CCDC178: variants seen among roughly 807,000 people sequenced by gnomAD.
CCDC178 encodes coiled-coil domain-containing protein 178.
A neutral mutation model predicts 117.4 loss-of-function variants in CCDC178; 126 were observed. That is an observed-to-expected ratio of 1.07 (90% confidence interval 0.93 to 1.24). CCDC178 has a LOEUF of 1.24. CCDC178 is among the 50% of genes most tolerant of loss of function. The pLI is 0.00. For missense variants in CCDC178, 1,030 were observed against 986.9 expected, an observed-to-expected ratio of 1.04 and a Z score of -0.59; for synonymous variants, 283 against 313.4, an observed-to-expected ratio of 0.90 and a Z score of 1.02.
At chr18:33,404,440 AC>A (rs1350412912) in intron 3 of CCDC178, among the ~76,000 whole-genome samples, 1 of 152,082 alleles carries the variant, frequency 6.6e-6, no homozygotes, top group Non-Finnish European at 1.5e-5. Flanking sequence ...TAAAGTAAAA[AC>A]AAACCAAGAA....
intron 21 of CCDC178, among the ~76,000 whole-genome samples, chr18:32,996,867 A>G (rs1451848396): frequency 6.6e-6 from 1 of 152,176 alleles, no homozygotes; most frequent in African/African-American, 2.4e-5. Context: ...CATATAAATC[A>G]ATAAGAAAAA....
intron 21 of CCDC178, among the ~76,000 whole-genome samples, chr18:32,998,518 A>C (rs2055564874): frequency 1.3e-5 from 2 of 152,124 alleles, no homozygotes; most frequent in African/African-American, 2.4e-5. Flanking sequence ...GAGTGTTTAC[A>C]CCACCCTTCC....
chr18:33,241,456 G>C (rs1054259148), intron 15 of CCDC178, among the ~76,000 whole-genome samples: 4 of 151,052 alleles, frequency 2.6e-5, no homozygotes, highest in Non-Finnish European at 5.9e-5. Context: ...GTGTGTGTGT[G>C]TGTGTGTGTG....
At chr18:33,086,969 GACACACACAC>G (rs71949744) in intron 21 of CCDC178, among the ~76,000 whole-genome samples, 1,412 of 124,114 alleles carry the variant, frequency 0.011, 20 homozygotes, top group African/African-American at 0.038. Flanking sequence ...GCTATTGGTT[GACACACACAC>G]ACACACACAC....
At chr18:33,436,726 A>T (rs992647196) in intron 2 of CCDC178, among the ~76,000 whole-genome samples, 10 of 152,210 alleles carry the variant, frequency 6.6e-5, no homozygotes, top group African/African-American at 2.4e-4. Context: ...ACCTAATTTC[A>T]GTGGAGCCTG....
intron 20 of CCDC178, among the ~76,000 whole-genome samples, chr18:33,095,874 C>T (rs1181202814): frequency 6.6e-6 from 1 of 151,524 alleles, no homozygotes; most frequent in Non-Finnish European, 1.5e-5. Context: ...TAAAGATAAC[C>T]ATATTGTCCA....
At chr18:33,225,275 G>A (rs1350791965) in intron 16 of CCDC178, among the ~76,000 whole-genome samples, 1 of 151,848 alleles carries the variant, frequency 6.6e-6, no homozygotes, top group East Asian at 1.9e-4. Context: ...CGATTCTTCT[G>A]CCTCAGCCTT....
intron 11 of CCDC178, among the ~76,000 whole-genome samples, chr18:33,319,490 C>T (rs932525229): frequency 1.4e-4 from 22 of 152,052 alleles, no homozygotes; most frequent in East Asian, 5.8e-4. Flanking sequence ...TGAATCATGC[C>T]GCAATAAACA....
At chr18:33,043,085 TACTG>T (rs1369930311) in intron 21 of CCDC178, among the ~76,000 whole-genome samples, 1 of 151,976 alleles carries the variant, frequency 6.6e-6, no homozygotes. Context: ...TTGAAGAAAA[TACTG>T]AATGAATATT....
intron 20 of CCDC178, among the ~76,000 whole-genome samples, chr18:33,179,874 C>A (rs532403224): frequency 6.6e-6 from 1 of 152,038 alleles, no homozygotes; most frequent in East Asian, 1.9e-4. Context: ...ACTTCATGGA[C>A]ATTAATGGGA....
At chr18:33,354,055 G>A (rs1216499617) in intron 7 of CCDC178, among the ~76,000 whole-genome samples, 2 of 152,054 alleles carry the variant, frequency 1.3e-5, no homozygotes, top group Non-Finnish European at 2.9e-5. Context: ...GCTAGATTCG[G>A]AATTCTTCAT....
chr18:33,397,349 G>T (rs181898116), intron 3 of CCDC178, 141 bp from the exon 4 acceptor site: 1 of 491,160 alleles, frequency 2.0e-6, no homozygotes, highest in East Asian at 3.2e-5. Context: ...AGAAAGGGCT[G>T]AAGGGGTAAG....
intron 20 of CCDC178, among the ~76,000 whole-genome samples, chr18:33,203,260 A>G (rs271538): frequency 0.16 from 24,463 of 152,178 alleles, 2,743 homozygotes; most frequent in African/African-American, 0.32. Context: ...TCAATAAATT[A>G]AAGATATTAG....
chr18:33,212,950 C>T (rs939770998), intron 19 of CCDC178, among the ~76,000 whole-genome samples: 1 of 151,934 alleles, frequency 6.6e-6, no homozygotes, highest in Non-Finnish European at 1.5e-5. Flanking sequence ...CTTATTCTAT[C>T]CACATTAGTT....
rs2060091015 is a variant in CCDC178 at position 33,285,754 on chromosome 18, A to G, written c.1176+7405T>C. 2.0e-5 allele frequency among the ~76,000 whole-genome samples: 3 copies of G among 152,172 alleles called. No individual in the cohort carries two copies. The South Asian group carries it at 6.2e-4, about 31-fold the overall frequency. ...TTTCTATAAATGAACATCTATTCCT[A>G]TGTAAACTGCTTTTATAATCAGAGT... On this transcript the variant is annotated intron_variant, in intron 12 of 22. Coordinates refer to ENST00000383096, the MANE Select transcript of CCDC178 (RefSeq NM_001105528.4).
At chr18:32,992,805 TA>T (rs1252902658) in intron 21 of CCDC178, among the ~76,000 whole-genome samples, 3 of 152,150 alleles carry the variant, frequency 2.0e-5, no homozygotes, top group African/African-American at 7.2e-5. Context: ...ATTTGACACC[TA>T]AAAAATATAA....
At chr18:33,430,304 A>G (rs1280786425) in intron 2 of CCDC178, among the ~76,000 whole-genome samples, 2 of 152,248 alleles carry the variant, frequency 1.3e-5, no homozygotes, top group African/African-American at 2.4e-5. Flanking sequence ...ATGCACAATG[A>G]AACACTTTTG....
chr18:32,980,528 G>GC (rs1288679699), intron 21 of CCDC178, among the ~76,000 whole-genome samples: 1 of 134,786 alleles, frequency 7.4e-6, no homozygotes, highest in Non-Finnish European at 1.5e-5. Context: ...CGGAGATCGC[G>GC]CCACAGCACT....
In CCDC178 at chr18:33,295,112, T is replaced by C. The variant is rs1298946543; in HGVS notation, c.1023-1800A>G. On this transcript the variant is annotated intron_variant, in intron 11 of 22. Transcript: ENST00000383096. ...AGAAAGTGTGATATTGGCAGAGGGA[T>C]AGCCAAATAGATAAATAGAATGGTC... Among the ~76,000 whole-genome samples, 5 of 152,166 alleles carry C rather than the reference T, an allele frequency of 3.3e-5. No homozygotes were observed. The East Asian group carries it at 7.7e-4, about 23-fold the overall frequency.
Sources: allele counts gnomAD v4.1 joint callset (sites outside exome capture counted in the v4.1 genomes callset), GRCh38; gene constraint gnomAD v4.1.1; transcripts MANE v1.5; gene names NCBI Gene and HGNC (gene_info 2026-07-23, HGNC 2026-07-21).